CCDC150: variants seen among roughly 807,000 people sequenced by gnomAD.
CCDC150 encodes coiled-coil domain containing 150.
CCDC150 carries 151 observed loss-of-function variants against 156.5 expected under a neutral mutation model. That is an observed-to-expected ratio of 0.97 (90% CI 0.85 to 1.10). CCDC150 has a LOEUF of 1.10. CCDC150 is among the 50% of genes least tolerant of loss of function. The pLI is 0.00. For synonymous variants in CCDC150, 452 were observed against 429.4 expected (o/e 1.05, Z -0.65); for missense variants, 1,312 against 1,268.1 (o/e 1.03, Z -0.53).
chr2:196,698,594 T>G (rs916543116), intron 14 of CCDC150, among the ~76,000 whole-genome samples: 1 of 152,266 alleles, frequency 6.6e-6, no homozygotes, highest in Non-Finnish European at 1.5e-5. Context: ...TATTTTAGGT[T>G]AACTCTAGTT....
At position 196,721,597 on chromosome 2, in the gene CCDC150, C is replaced by T; in HGVS notation, c.2335C>T (p.Leu779Phe). Reference protein sequence around the residue: ...RKLAMSLEQALQTNNHLQTKL... With the variant: ...RKLAMSLEQAFQTNNHLQTKL... The stretch of plus-strand genomic sequence containing the variant: ...ACTTGCTATGAGTCTGGAACAAGCT[C>T]TCCAGACAAATAATCATCTGCAAAC... Residue 779 changes from leucine to phenylalanine, a missense_variant, in exon 21 of 28, where the codon CTC (leucine) becomes TTC (phenylalanine). Leu to Phe is a conservative substitution (Grantham distance 22). Transcript: ENST00000389175. 4.4e-6 allele frequency: 7 copies of T among 1,608,058 alleles called. No homozygotes were observed. Among genetic ancestry groups the T allele is most frequent in the Non-Finnish European group, 5.9e-6 (7 of 1,177,344 alleles).
At chr2:196,646,123 G>A (rs897624916) in intron 1 of CCDC150, among the ~76,000 whole-genome samples, 107 of 152,262 alleles carry the variant, frequency 7.0e-4, no homozygotes, top group Non-Finnish European at 1.4e-3. Context: ...AGTCCTACCT[G>A]GGATGTTGCT....
At chr2:196,725,855 T>C (rs760916487) in intron 21 of CCDC150, 118 bp from the exon 22 acceptor site, 246 of 882,376 alleles carry the variant, frequency 2.8e-4, no homozygotes, top group Non-Finnish European at 3.8e-4. Flanking sequence ...AGGCTACTGA[T>C]AGGCTGCTTG....
At chr2:196,716,592 AC>A in intron 17 of CCDC150, among the ~76,000 whole-genome samples, 1 of 152,352 alleles carries the variant, frequency 6.6e-6, no homozygotes, top group East Asian at 1.9e-4. Flanking sequence ...TGTGAGAATC[AC>A]CAGAAGTGTG....
At chr2:196,664,277 C>G (rs558216260) in intron 5 of CCDC150, among the ~76,000 whole-genome samples, 2 of 152,300 alleles carry the variant, frequency 1.3e-5, no homozygotes, top group African/African-American at 4.8e-5. Context: ...GATTGCCCCC[C>G]ACTTTAGATG....
At chr2:196,693,349 A>G (rs1559248584) in intron 13 of CCDC150, among the ~76,000 whole-genome samples, 2 of 152,150 alleles carry the variant, frequency 1.3e-5, no homozygotes, top group Non-Finnish European at 2.9e-5. Context: ...GTATTTCATA[A>G]TTTTCAGCAC....
chr2:196,674,748 A>G (rs572720584), intron 10 of CCDC150, among the ~76,000 whole-genome samples: 2 of 152,242 alleles, frequency 1.3e-5, no homozygotes, highest in East Asian at 3.9e-4. Context: ...ATTCTTTAAG[A>G]GTCACTTTCA....
At chr2:196,719,423 G>C (rs1394562431) in intron 18 of CCDC150, 74 bp from the exon 19 acceptor site, 8 of 1,231,754 alleles carry the variant, frequency 6.5e-6, no homozygotes, top group Non-Finnish European at 7.7e-6. Flanking sequence ...TCTTTCCTGG[G>C]AGTAATGAGA....
intron 1 of CCDC150, among the ~76,000 whole-genome samples, chr2:196,641,162 T>TA (rs36032686): frequency 0.78 from 118,829 of 151,780 alleles, 46,724 homozygotes; most frequent in East Asian, 0.97. Flanking sequence ...GTATTTTTAG[T>TA]GAGACGGGGT....
At chr2:196,685,383 C>T (rs1375108526) in intron 13 of CCDC150, among the ~76,000 whole-genome samples, 1 of 152,136 alleles carries the variant, frequency 6.6e-6, no homozygotes, top group East Asian at 1.9e-4. Context: ...CGTATGCTTT[C>T]TAGCTTCACA....
intron 8 of CCDC150, among the ~76,000 whole-genome samples, chr2:196,671,427 CTTTT>C (rs397987214): frequency 9.2e-6 from 1 of 108,612 alleles, no homozygotes; most frequent in Non-Finnish European, 1.8e-5. Context: ...TTTTCTCTCT[CTTTT>C]TTTTTTTTTT....
intron 6 of CCDC150, among the ~76,000 whole-genome samples, chr2:196,666,229 A>G (rs966505004): frequency 6.6e-6 from 1 of 152,206 alleles, no homozygotes; most frequent in Non-Finnish European, 1.5e-5. Context: ...AATAATTTAG[A>G]ATACTTTAAA....
chr2:196,703,444 G>A (rs182354649), intron 15 of CCDC150, among the ~76,000 whole-genome samples: 11 of 152,204 alleles, frequency 7.2e-5, no homozygotes, highest in Admixed American at 2.0e-4. Flanking sequence ...ATGTGACCGT[G>A]GAAAGATCTT....
At chr2:196,688,195 G>T (rs913849378) in intron 13 of CCDC150, among the ~76,000 whole-genome samples, 1 of 152,188 alleles carries the variant, frequency 6.6e-6, no homozygotes, top group African/African-American at 2.4e-5. Flanking sequence ...GCTTTGGGCA[G>T]TATGGCCATT....
At chr2:196,702,275 C>T (rs1227857929) in intron 15 of CCDC150, among the ~76,000 whole-genome samples, 1 of 151,224 alleles carries the variant, frequency 6.6e-6, no homozygotes, top group African/African-American at 2.4e-5. Context: ...GGGAAAATTC[C>T]CATGACTAGA....
At chr2:196,713,045 T>C (rs764615810) in intron 17 of CCDC150, 9 of 469,580 alleles carry the variant, frequency 1.9e-5, no homozygotes, top group Non-Finnish European at 3.0e-5. Flanking sequence ...AACTAAAATA[T>C]GTTTTCAAAT....
Position 196,666,828 on chromosome 2 carries a change from C to T in CCDC150, c.872C>T (p.Ser291Leu). ...AAAGAAGAGTTGGAGATTGCTACTT[C>T]ACAGCTCAAATCTGATCTAAGTATG... is the stretch of plus-strand genomic sequence containing the variant. Reference protein sequence around the residue: ...KKKEELEIATSQLKSDLTSRD... With the variant: ...KKKEELEIATLQLKSDLTSRD... The change falls in exon 7 of 28, where the codon TCA becomes TTA. Residue 291 changes from serine to leucine, a missense_variant. Transcript: ENST00000389175. 2 of 1,613,214 alleles carry T rather than the reference C, an allele frequency of 1.2e-6. No homozygotes were observed. The highest frequency in any genetic ancestry group is 1.1e-5 in the South Asian group (1 of 91,002).
At chr2:196,730,966 TAA>T in intron 26 of CCDC150, 21 bp downstream of exon 26, 5 of 1,569,508 alleles carry the variant, frequency 3.2e-6, no homozygotes, top group Non-Finnish European at 4.3e-6. Context: ...CCCACGGACA[TAA>T]AGACTTAGAC....
intron 5 of CCDC150, 66 bp from the exon 6 acceptor site, chr2:196,665,501 T>TAACTTTG: frequency 1.2e-6 from 1 of 869,312 alleles, no homozygotes; most frequent in Non-Finnish European, 1.8e-6. Flanking sequence ...ACTTCTCAGG[T>TAACTTTG]AACTTTGATC....
Sources: allele counts gnomAD v4.1 joint callset (sites outside exome capture counted in the v4.1 genomes callset), GRCh38; gene constraint gnomAD v4.1.1; transcripts MANE v1.5; gene names NCBI Gene and HGNC (gene_info 2026-07-23, HGNC 2026-07-21).